GPATCH8: variants seen among roughly 807,000 people sequenced by gnomAD.
GPATCH8 encodes G-patch domain containing 8.
In GPATCH8, 18 loss-of-function variants were observed where a neutral mutation model predicts 118.3. The ratio of observed to expected loss-of-function variants is 0.15; its 90% CI spans 0.11 to 0.23. The LOEUF is 0.23. Among genes scored for constraint, GPATCH8 ranks in the 10% least tolerant of loss-of-function variants. The pLI, the probability that GPATCH8 is intolerant of heterozygous loss-of-function variation, is 1.00. For synonymous variants in GPATCH8, 659 were observed against 684.7 expected (o/e 0.96, Z 0.59); for missense variants, 1,631 against 1,873.8 (o/e 0.87, Z 2.39).
intron 1 of GPATCH8, among the ~76,000 whole-genome samples, chr17:44,483,053 G>A (rs1968405885): frequency 7.0e-6 from 1 of 143,202 alleles, no homozygotes; most frequent in Non-Finnish European, 1.5e-5. Flanking sequence ...CTACTCAGGA[G>A]GCTGAGGCAG....
intron 1 of GPATCH8, among the ~76,000 whole-genome samples, chr17:44,475,524 C>A (rs1340254692): frequency 6.6e-6 from 1 of 151,396 alleles, no homozygotes; most frequent in African/African-American, 2.4e-5. Context: ...GAAACCCCAT[C>A]TCTACTAAAA....
In GPATCH8 at chr17:44,430,806, C is replaced by CTT. The variant is rs369020719; in HGVS notation, c.348+4257_348+4258dup. 2.0e-3 allele frequency among the ~76,000 whole-genome samples: 263 copies of CTT among 129,504 alleles called. 1 individual carries two copies. Among genetic ancestry groups the CTT allele is most frequent in the Admixed American group, 3.1e-3 (38 of 12,380 alleles). 85.0% of individuals were successfully genotyped at this position (129,504 alleles called of 152,430 possible). A position where few individuals can be genotyped will look rare whatever the true frequency, so the allele number is the denominator to read the frequency against. ...TACAGGCACACAACACCACGCCCAG[C>CTT]TTTTTTTTTTTTTTTTGTATTTTTA... is the stretch of plus-strand genomic sequence containing the variant. On this transcript the variant is annotated intron_variant, in intron 5 of 7. Coordinates refer to ENST00000591680, the MANE Select transcript of GPATCH8 (RefSeq NM_001002909.4).
At position 44,399,505 on chromosome 17, in the gene GPATCH8, G is replaced by C; in HGVS notation, c.2572C>G (p.Arg858Gly). 6.2e-7 allele frequency: 1 copy of C among 1,614,122 alleles called. No homozygotes were observed. The highest frequency in any genetic ancestry group is 2.2e-5 in the East Asian group (1 of 44,874). Residue 858 changes from arginine to glycine, a missense_variant, in exon 8 of 8, where the codon CGG (arginine) becomes GGG (glycine). By Grantham distance (125) the Arg-to-Gly change is moderately radical. Around this residue, in one of 8 missense-constraint regions of GPATCH8, gnomAD observed 922 missense variants for 879.7 expected, o/e 1.05. Coordinates refer to ENST00000591680, the MANE Select transcript of GPATCH8 (RefSeq NM_001002909.4). ...EHSRSRSRSG[R>G]RHSSHRSSRR... ...GAGGAACGATGCGAGGAATGGCGCC[G>C]GCCAGACCTTGAGCGGCTGCGGGAA...
At chr17:44,428,572 G>A (rs1211411178) in intron 5 of GPATCH8, among the ~76,000 whole-genome samples, 2 of 152,000 alleles carry the variant, frequency 1.3e-5, no homozygotes, top group Non-Finnish European at 2.9e-5. Flanking sequence ...GGAGGTTGAG[G>A]TGGGTGGACA....
At chr17:44,467,924 A>G (rs1383489736) in intron 2 of GPATCH8, among the ~76,000 whole-genome samples, 1 of 152,170 alleles carries the variant, frequency 6.6e-6, no homozygotes, top group African/African-American at 2.4e-5. Flanking sequence ...GAAACTCAAT[A>G]ACCAGTCTTT....
chr17:44,410,346 GC>G (rs2049386241), intron 6 of GPATCH8, among the ~76,000 whole-genome samples: 1 of 152,196 alleles, frequency 6.6e-6, no homozygotes. Flanking sequence ...AGAAGAGACA[GC>G]GCTCACAAGA....
intron 6 of GPATCH8, among the ~76,000 whole-genome samples, chr17:44,418,456 C>CTTT (rs56885612): frequency 7.2e-6 from 1 of 139,770 alleles, no homozygotes; most frequent in Admixed American, 7.2e-5. Context: ...GTGCTAATGT[C>CTTT]TTTTTTTTTT....
chr17:44,500,365 G>C (rs1454108574), intron 1 of GPATCH8, among the ~76,000 whole-genome samples: 1 of 152,086 alleles, frequency 6.6e-6, no homozygotes, highest in Non-Finnish European at 1.5e-5. Flanking sequence ...GACACATAAA[G>C]CCTGTGGAAT....
rs565957105 is a variant in GPATCH8 at position 44,502,317 on chromosome 17, G to A, written c.45+1009C>T. 6.6e-5 allele frequency among the ~76,000 whole-genome samples: 10 copies of A among 151,022 alleles called. No homozygotes were observed. In the South Asian group the frequency reaches 2.1e-3, roughly 32 times the overall value. ...AAACTTGAGTTCTGAGATTCATCCC[G>A]ACCCAAATTGCAGTTGCCAGGATAT... On this transcript the variant is annotated intron_variant, in intron 1 of 7. Coordinates refer to ENST00000591680, the MANE Select transcript of GPATCH8 (RefSeq NM_001002909.4).
intron 1 of GPATCH8, among the ~76,000 whole-genome samples, chr17:44,489,592 G>A (rs1284445147): frequency 8.6e-5 from 13 of 152,032 alleles, no homozygotes; most frequent in African/African-American, 2.9e-4. Flanking sequence ...CGCCCGCCTC[G>A]GCCTCCCAAA....
chr17:44,473,187 T>G (rs1226467439), intron 2 of GPATCH8: 1 of 150,412 alleles, frequency 6.6e-6, no homozygotes, highest in Non-Finnish European at 1.5e-5. Flanking sequence ...CAGGCTGGAG[T>G]GCAGAGGCAC....
chr17:44,453,946 G>GAA (rs2051231351), intron 3 of GPATCH8, among the ~76,000 whole-genome samples: 3 of 151,524 alleles, frequency 2.0e-5, no homozygotes, highest in Non-Finnish European at 4.4e-5. Context: ...AAAAAAAATT[G>GAA]AGGTGGTTTC....
intron 2 of GPATCH8, chr17:44,473,158 A>G (rs1370851276): frequency 1.4e-5 from 2 of 146,682 alleles, no homozygotes; most frequent in African/African-American, 2.5e-5. Context: ...TTTTTGAGAC[A>G]GAGTCTCGCT....
intron 5 of GPATCH8, among the ~76,000 whole-genome samples, chr17:44,429,688 A>C (rs371468794): frequency 2.6e-3 from 370 of 143,462 alleles, no homozygotes; most frequent in African/African-American, 8.8e-3. Flanking sequence ...ACACACACAA[A>C]ACAACAAACA....
At position 44,430,276 on chromosome 17, in the gene GPATCH8, A is replaced by G. The variant is rs369041509; in HGVS notation, c.348+4789T>C. Among the ~76,000 whole-genome samples, 8 of 152,296 alleles carry G rather than the reference A, an allele frequency of 5.3e-5. No homozygotes were observed. The East Asian group carries it at 7.7e-4, about 15-fold the overall frequency. On this transcript the variant is annotated intron_variant, in intron 5 of 7. Coordinates refer to ENST00000591680, the MANE Select transcript of GPATCH8 (RefSeq NM_001002909.4). ...CTGTGTACAGATGCAAAAATGCTCA[A>G]CAAAATGCTATCAAACCAAATTCAA...
Position 44,399,745 on chromosome 17 carries a change from A to G in GPATCH8, c.2332T>C (p.Ser778Pro). Reference protein sequence around the residue: ...KKDEGGGGSSSQDHGGRKHKG... With the variant: ...KKDEGGGGSSPQDHGGRKHKG... ...TGTTTCCTCCCACCATGGTCTTGGGAGCTGCTACCACCCCCACCTTCATCC... is the reference window on the plus strand; with the variant it reads ...TGTTTCCTCCCACCATGGTCTTGGGGGCTGCTACCACCCCCACCTTCATCC... Residue 778 changes from serine to proline, a missense_variant, in exon 8 of 8, where the codon TCC (serine) becomes CCC (proline). Ser to Pro is a moderately conservative substitution (Grantham distance 74, BLOSUM62 -1). Coordinates refer to ENST00000591680, the MANE Select transcript of GPATCH8 (RefSeq NM_001002909.4). 6.2e-7 allele frequency: 1 copy of G among 1,613,584 alleles called. No homozygotes were observed. The highest frequency in any genetic ancestry group is 8.5e-7 in the Non-Finnish European group (1 of 1,179,938).
chr17:44,457,535 T>C (rs1418813751), intron 3 of GPATCH8, among the ~76,000 whole-genome samples: 1 of 152,188 alleles, frequency 6.6e-6, no homozygotes, highest in African/African-American at 2.4e-5. Flanking sequence ...ACAAACGGAA[T>C]GTACATGTTA....
intron 5 of GPATCH8, among the ~76,000 whole-genome samples, chr17:44,427,702 A>G (rs759578533): frequency 1.7e-4 from 26 of 152,204 alleles, no homozygotes; most frequent in Non-Finnish European, 3.7e-4. Context: ...AGTAGTGTAC[A>G]TAATATAATA....
chr17:44,429,978 A>G (rs9913207), intron 5 of GPATCH8, among the ~76,000 whole-genome samples: 91,715 of 151,964 alleles, frequency 0.6, 27,905 homozygotes, highest in Middle Eastern at 0.68. Flanking sequence ...GCTGTGAGCC[A>G]TCGTGCCACT....
Sources: allele counts gnomAD v4.1 joint callset (sites outside exome capture counted in the v4.1 genomes callset), GRCh38; gene constraint gnomAD v4.1.1; regional missense constraint gnomAD v4.1.1; transcripts MANE v1.5; gene names NCBI Gene and HGNC (gene_info 2026-07-23, HGNC 2026-07-21).